ANAPC1: variants seen among roughly 807,000 people sequenced by gnomAD.
The protein encoded by ANAPC1 is anaphase-promoting complex subunit 1.
ANAPC1 carries 36 observed loss-of-function variants against 208.0 expected under a neutral mutation model. That is an observed-to-expected ratio of 0.17 (90% confidence interval 0.13 to 0.23). The LOEUF (loss-of-function observed/expected upper bound fraction) is 0.23, where lower values mean the gene tolerates loss of function less well. Among genes scored for constraint, ANAPC1 ranks in the 10% least tolerant of loss-of-function variants. The pLI is 1.00. For missense variants in ANAPC1, 942 were observed against 2,011.6 expected (o/e 0.47, Z 10.17); for synonymous variants, 378 against 695.2 (o/e 0.54, Z 7.18).
intron 28 of ANAPC1, among the ~76,000 whole-genome samples, chr2:111,810,261 AC>A (rs1320444936): frequency 6.7e-6 from 1 of 149,592 alleles, no homozygotes; most frequent in African/African-American, 2.5e-5. Context: ...ACCCATAGAC[AC>A]GGAAAGTAGA....
chr2:111,838,112 A>G (rs1680572895), intron 18 of ANAPC1, among the ~76,000 whole-genome samples: 1 of 150,852 alleles, frequency 6.6e-6, no homozygotes, highest in Admixed American at 6.6e-5. Flanking sequence ...ATACCATGGA[A>G]CCTGATACAA....
At chr2:111,816,861 A>C (rs1679264560) in intron 27 of ANAPC1, among the ~76,000 whole-genome samples, 1 of 116,736 alleles carries the variant, frequency 8.6e-6, no homozygotes, top group Admixed American at 8.9e-5. Flanking sequence ...TTTGTACCTA[A>C]AAGCTAACTC....
At chr2:111,791,564 G>A (rs1170410251) in intron 38 of ANAPC1, among the ~76,000 whole-genome samples, 1 of 152,184 alleles carries the variant, frequency 6.6e-6, no homozygotes, top group Non-Finnish European at 1.5e-5. Flanking sequence ...CAATGAAAGT[G>A]TAATACAACA....
chr2:111,826,037 C>T (rs1679814210), intron 21 of ANAPC1, among the ~76,000 whole-genome samples, 182 bp from the exon 22 acceptor site: 1 of 152,126 alleles, frequency 6.6e-6, no homozygotes, highest in Admixed American at 6.5e-5. Context: ...CCACCATGCC[C>T]AGCTTATTAT....
Position 111,825,955 on chromosome 2 carries a change from C to T in ANAPC1, c.2626-100G>A, listed in dbSNP as rs1003582913. 8.6e-5 allele frequency: 93 copies of T among 1,084,938 alleles called. 2 individuals are homozygous for T. The highest frequency in any genetic ancestry group is 3.3e-4 in the South Asian group (19 of 57,764). 67.2% of individuals were successfully genotyped at this position (1,084,938 alleles called of 1,614,324 possible). On this transcript the variant is annotated intron_variant, in intron 21 of 47. Transcript: ENST00000341068. Reference sequence around the variant, plus strand: ...GCAGTGACACAATCACAGCTCACTGCAGCCTCAAACTCCTTGGCTCAAGCA... The same window carrying T: ...GCAGTGACACAATCACAGCTCACTGTAGCCTCAAACTCCTTGGCTCAAGCA...
At position 111,854,986 on chromosome 2, in the gene ANAPC1, CA is replaced by C. The variant is rs371677255; in HGVS notation, c.1515+1627del. On this transcript the variant is annotated intron_variant, in intron 13 of 47. Coordinates refer to ENST00000341068, the MANE Select transcript of ANAPC1 (RefSeq NM_022662.4). ...CTGGCTCTCAACCTATCTCAGCTTT[CA>C]ACACGCCTTCCTCACTAAGCTTAAT... is the stretch of plus-strand genomic sequence containing the variant. Among the ~76,000 whole-genome samples, 806 of 152,352 alleles carry C rather than the reference CA, an allele frequency of 5.3e-3. 7 individuals are homozygous for C. The highest frequency in any genetic ancestry group is 0.017 in the African/African-American group (705 of 41,582).
At chr2:111,847,249 T>C (rs1239854825) in intron 15 of ANAPC1, 51 bp from the exon 16 acceptor site, 1 of 1,373,384 alleles carries the variant, frequency 7.3e-7, no homozygotes, top group Middle Eastern at 2.6e-4. Context: ...TTCTAAGTCT[T>C]TGAATGTCTT....
At chr2:111,861,135 G>C (rs1245802643) in intron 10 of ANAPC1, among the ~76,000 whole-genome samples, 2 of 152,168 alleles carry the variant, frequency 1.3e-5, no homozygotes, top group Non-Finnish European at 2.9e-5. Flanking sequence ...GAGTGCAGTA[G>C]TGTGCTCTTG....
rs1381219060 is a variant in ANAPC1 at position 111,821,273 on chromosome 2, T to C, written c.3172A>G (p.Ser1058Gly). Residue 1058 changes from serine to glycine, a missense_variant, in exon 26 of 48, where the codon AGT (serine) becomes GGT (glycine). Ser to Gly is a moderately conservative substitution (Grantham distance 56, BLOSUM62 0). Coordinates refer to ENST00000341068, the MANE Select transcript of ANAPC1 (RefSeq NM_022662.4). ...TTTTCCTCGATGAACTCGTGGTCAC[T>C]GAGCTCTGGGTACTGCACTACGTTG... The part of the protein sequence containing the change: ...RVNVVQYPEL[S>G]DHEFIEEKEN... The C allele has an allele frequency of 1.2e-6, 2 of 1,612,188 alleles. No homozygotes were observed.
At chr2:111,852,877 A>G (rs1220219818) in intron 13 of ANAPC1, among the ~76,000 whole-genome samples, 2 of 152,028 alleles carry the variant, frequency 1.3e-5, no homozygotes. Flanking sequence ...ATATCCCAGC[A>G]CTTTGGGAGG....
At chr2:111,799,278 AAAACTT>A (rs1334525847) in intron 34 of ANAPC1, among the ~76,000 whole-genome samples, 8 of 151,992 alleles carry the variant, frequency 5.3e-5, no homozygotes, top group African/African-American at 1.9e-4. Flanking sequence ...CAGCAGCACT[AAAACTT>A]AAAAAACTAA....
At position 111,873,684 on chromosome 2, in the gene ANAPC1, C is replaced by T; in HGVS notation, c.376-20G>A. On this transcript the variant is annotated intron_variant, in intron 3 of 47. Coordinates refer to ENST00000341068, the MANE Select transcript of ANAPC1 (RefSeq NM_022662.4). ...CAATGCCTAAAATCAAAACAAAATG[C>T]TTACCTAAGAAAATTATATCTAAAT... The T allele has an allele frequency of 6.4e-7, 1 of 1,569,092 alleles. No individual in the cohort carries two copies. The highest frequency in any genetic ancestry group is 8.6e-7 in the Non-Finnish European group (1 of 1,166,260).
chr2:111,853,723 C>T (rs1476963517), intron 13 of ANAPC1, among the ~76,000 whole-genome samples: 21 of 146,114 alleles, frequency 1.4e-4, no homozygotes, highest in Non-Finnish European at 2.6e-4. Context: ...CAGAAGGTTT[C>T]TTTTTTTTTT....
chr2:111,829,526 A>G (rs1353330448), intron 21 of ANAPC1, among the ~76,000 whole-genome samples: 1 of 152,216 alleles, frequency 6.6e-6, no homozygotes, highest in Non-Finnish European at 1.5e-5. Flanking sequence ...AGGCTGCTCC[A>G]GGATGGGGGG....
At chr2:111,861,125 G>C (rs1291935759) in intron 10 of ANAPC1, among the ~76,000 whole-genome samples, 1 of 152,124 alleles carries the variant, frequency 6.6e-6, no homozygotes, top group Non-Finnish European at 1.5e-5. Flanking sequence ...GCCCAAGCTG[G>C]AGTGCAGTAG....
intron 17 of ANAPC1, among the ~76,000 whole-genome samples, chr2:111,841,912 A>G (rs2104491693): frequency 6.6e-6 from 1 of 152,362 alleles, no homozygotes; most frequent in Non-Finnish European, 1.5e-5. Flanking sequence ...GCAAAGGTTC[A>G]CCACACCACA....
intron 8 of ANAPC1, 117 bp from the exon 9 acceptor site, chr2:111,864,012 T>C: frequency 8.8e-6 from 11 of 1,255,442 alleles, no homozygotes; most frequent in Non-Finnish European, 1.2e-5. Flanking sequence ...GTATTTCTTC[T>C]TTCCTAAGAA....
chr2:111,823,885 T>A lies in ANAPC1; in HGVS notation c.2812+1081A>T, dbSNP rs558937979. ...GCCTTCTACTATGCGGGTAATATTCTATTTCTAGGGGTGGGTGACCAGTAC... is the reference window on the plus strand; with the variant it reads ...GCCTTCTACTATGCGGGTAATATTCAATTTCTAGGGGTGGGTGACCAGTAC... On this transcript the variant is annotated intron_variant, in intron 24 of 47. Coordinates refer to ENST00000341068, the MANE Select transcript of ANAPC1 (RefSeq NM_022662.4). Among the ~76,000 whole-genome samples, 723 of 147,950 alleles carry A rather than the reference T, an allele frequency of 4.9e-3. 9 individuals carry two copies. Among genetic ancestry groups the A allele is most frequent in the African/African-American group, 0.017 (707 of 40,836 alleles).
chr2:111,810,305 G>T (rs73956889), intron 28 of ANAPC1, among the ~76,000 whole-genome samples: 3,245 of 134,428 alleles, frequency 0.024, 109 homozygotes, highest in African/African-American at 0.091. Flanking sequence ...GTGAAGGTGG[G>T]GGGGGGTGAG....
Sources: gnomAD v4.1 joint callset for allele counts (sites outside exome capture counted in the v4.1 genomes callset) on GRCh38, gnomAD v4.1.1 for gene constraint, MANE v1.5 for transcripts, NCBI Gene and HGNC (gene_info 2026-07-23, HGNC 2026-07-21) for gene names.